TGM4: variants seen among roughly 807,000 people sequenced by gnomAD.
TGM4 encodes protein-glutamine gamma-glutamyltransferase 4.
Under a neutral mutation model 76.3 loss-of-function variants are expected in TGM4, and 61 were observed. The observed-to-expected ratio is 0.80, with a 90% CI of 0.65 to 0.99. The LOEUF (loss-of-function observed/expected upper bound fraction) is 0.99, where lower values mean the gene tolerates loss of function less well. Ranked by LOEUF, TGM4 falls within the 50% of genes least tolerant of loss-of-function variation. The probability of loss-of-function intolerance (pLI) is 0.00; values close to 1 mark genes in which losing one functional copy is unlikely to be tolerated. For missense variants in TGM4, 794 were observed against 843.2 expected (o/e 0.94, Z 0.72); for synonymous variants, 337 against 329.8 (o/e 1.02, Z -0.24).
At chr3:44,911,200 G>A in intron 12 of TGM4, 70 bp from the exon 13 acceptor site, 2 of 1,610,000 alleles carry the variant, frequency 1.2e-6, no homozygotes. Context: ...GGGCCCCTAA[G>A]AACCCTGAGG....
chr3:44,911,569 A>G (rs1700006466), intron 13 of TGM4, among the ~76,000 whole-genome samples, 163 bp downstream of exon 13: 2 of 152,336 alleles, frequency 1.3e-5, no homozygotes, highest in African/African-American at 2.4e-5. Flanking sequence ...GCATCAATTT[A>G]TGCTCTACCG....
At chr3:44,913,547 G>C (rs746830703) in intron 13 of TGM4, 37 bp from the exon 14 acceptor site, 3 of 1,596,876 alleles carry the variant, frequency 1.9e-6, no homozygotes, top group Non-Finnish European at 2.6e-6. Flanking sequence ...TAACATCCTT[G>C]GCTGATTGTA....
intron 1 of TGM4, among the ~76,000 whole-genome samples, chr3:44,879,616 G>A (rs897696599): frequency 2.0e-5 from 3 of 151,698 alleles, no homozygotes; most frequent in Non-Finnish European, 2.9e-5. Context: ...GGGACTACAG[G>A]CGCCTGCCAC....
intron 1 of TGM4, among the ~76,000 whole-genome samples, chr3:44,879,257 C>CTATATA (rs1553671338): frequency 8.9e-4 from 89 of 100,422 alleles, no homozygotes; most frequent in Non-Finnish European, 1.6e-3. Context: ...CTCTCTCTCT[C>CTATATA]TCTCTCTCTA....
chr3:44,901,507 C>A lies in TGM4; in HGVS notation c.658-17C>A. 6.3e-7 allele frequency: 1 copy of A among 1,593,506 alleles called. No homozygotes were observed. Among genetic ancestry groups the A allele is most frequent in the Non-Finnish European group, 8.6e-7 (1 of 1,166,582 alleles). On this transcript the variant is annotated splice_polypyrimidine_tract_variant and intron_variant, in intron 6 of 13. Transcript: ENST00000296125. ...TCTGAGGGGCGGACACTGACCCCAC[C>A]CCTACGTGTGTGGCAGATGAGCTTT...
chr3:44,908,245 GTGGA>G (rs1699952118), intron 10 of TGM4, among the ~76,000 whole-genome samples: 1 of 152,190 alleles, frequency 6.6e-6, no homozygotes, highest in African/African-American at 2.4e-5. Context: ...CAGAATGGAC[GTGGA>G]TGGAGAGCTT....
chr3:44,883,453 T>C (rs764483289), intron 1 of TGM4, among the ~76,000 whole-genome samples: 21 of 152,342 alleles, frequency 1.4e-4, no homozygotes, highest in Admixed American at 7.8e-4. Flanking sequence ...AGTGCCTTGA[T>C]CTTGGACTTC....
chr3:44,913,697 C>T lies in TGM4; in HGVS notation c.2027C>T (p.Ala676Val). 2 of 1,614,086 alleles carry T rather than the reference C, an allele frequency of 1.2e-6. No individual in the cohort carries two copies. The highest frequency in any genetic ancestry group is 1.7e-6 in the Non-Finnish European group (2 of 1,179,974). ...TCCAAACAAGTGAAAGAGATTAATG[C>T]TCAGAAGATTGTTCTCATCACCAAG... ...LSSKQVKEIN[A>V]QKIVLITK is the part of the protein sequence containing the mutation. Residue 676 changes from alanine (A) to valine (V), a missense_variant, in exon 14 of 14, where the codon GCT (alanine) becomes GTT (valine). Transcript: ENST00000296125.
intron 1 of TGM4, among the ~76,000 whole-genome samples, chr3:44,884,925 A>T (rs1167228796): frequency 6.6e-6 from 1 of 152,166 alleles, no homozygotes; most frequent in Non-Finnish European, 1.5e-5. Flanking sequence ...CCCTGGCACC[A>T]GGTTTGTTCC....
chr3:44,890,783 C>T, intron 4 of TGM4, 51 bp downstream of exon 4: 1 of 1,604,968 alleles, frequency 6.2e-7, no homozygotes, highest in Non-Finnish European at 8.5e-7. Context: ...CCCGGCAAAA[C>T]CTGCTATGTG....
chr3:44,886,403 G>A (rs554051822), intron 2 of TGM4, among the ~76,000 whole-genome samples: 2 of 152,306 alleles, frequency 1.3e-5, no homozygotes, highest in Non-Finnish European at 2.9e-5. Context: ...CTTCCTGGGA[G>A]AGCGCTCCTT....
chr3:44,906,307 A>G (rs1015831423), intron 9 of TGM4, among the ~76,000 whole-genome samples: 3 of 152,256 alleles, frequency 2.0e-5, no homozygotes, highest in African/African-American at 4.8e-5. Flanking sequence ...CTATCAGTCA[A>G]GAGACTAATT....
chr3:44,904,599 A>T (rs1699898528), intron 9 of TGM4, among the ~76,000 whole-genome samples: 1 of 152,234 alleles, frequency 6.6e-6, no homozygotes, highest in African/African-American at 2.4e-5. Flanking sequence ...TCTTTATTTT[A>T]AATAGTGAGT....
intron 13 of TGM4, 85 bp downstream of exon 13, chr3:44,911,491 C>T: frequency 2.7e-6 from 4 of 1,499,766 alleles, no homozygotes; most frequent in Non-Finnish European, 2.7e-6. Flanking sequence ...AGTGAATTCC[C>T]AGTATGGGGT....
intron 1 of TGM4, among the ~76,000 whole-genome samples, chr3:44,880,529 A>T (rs555662692): frequency 6.6e-6 from 1 of 152,300 alleles, no homozygotes; most frequent in South Asian, 2.1e-4. Flanking sequence ...CTCAGGCAGC[A>T]ATATGGACAC....
chr3:44,906,378 A>G lies in TGM4; in HGVS notation c.1076-571A>G, dbSNP rs369900824. On this transcript the variant is annotated intron_variant, in intron 9 of 13. Transcript: ENST00000296125. The stretch of plus-strand genomic sequence containing the variant: ...CTATCCCCATGCTAGAAATAAAAAG[A>G]CAGCTCTTAACAAAAATGAAAAATA... 1.4e-4 allele frequency among the ~76,000 whole-genome samples: 21 copies of G among 152,322 alleles called. 1 individual carries two copies. In the South Asian group the frequency reaches 4.1e-3, roughly 30 times the overall value.
intron 1 of TGM4, among the ~76,000 whole-genome samples, chr3:44,877,030 T>C (rs985343103): frequency 2.6e-5 from 4 of 152,060 alleles, no homozygotes; most frequent in Non-Finnish European, 5.9e-5. Context: ...GCAGGCCAGG[T>C]ATGGTGGTTC....
At chr3:44,885,574 C>G in intron 2 of TGM4, 76 bp downstream of exon 2, 2 of 1,510,116 alleles carry the variant, frequency 1.3e-6, no homozygotes, top group Non-Finnish European at 9.0e-7. Context: ...GTGGCCCTTT[C>G]TGGTCAGTCT....
intron 3 of TGM4, among the ~76,000 whole-genome samples, chr3:44,889,740 T>C (rs1699663170): frequency 6.6e-6 from 1 of 152,198 alleles, no homozygotes; most frequent in African/African-American, 2.4e-5. Flanking sequence ...CTGGACGCCC[T>C]TGGACCAATG....
Sources: gnomAD v4.1 joint callset for allele counts (sites outside exome capture counted in the v4.1 genomes callset) on GRCh38, gnomAD v4.1.1 for gene constraint, MANE v1.5 for transcripts, NCBI Gene and HGNC (gene_info 2026-07-23, HGNC 2026-07-21) for gene names.